The following ERC1 variants were observed in gnomAD, a reference collection of about 807,000 sequenced individuals.
The protein encoded by ERC1 is RAB6 interacting protein 2.
In ERC1, 56 loss-of-function variants were observed where a neutral mutation model predicts 132.0. That is an observed-to-expected ratio of 0.42 (90% confidence interval 0.34 to 0.53). The LOEUF (loss-of-function observed/expected upper bound fraction) is 0.53. Among genes scored for constraint, ERC1 ranks in the 20% least tolerant of loss-of-function variants. The pLI is 0.03. For synonymous variants in ERC1, 478 were observed against 476.1 expected, an observed-to-expected ratio of 1.00 and a Z score of -0.05; for missense variants, 1,202 against 1,349.9, an observed-to-expected ratio of 0.89 and a Z score of 1.72.
intron 7 of ERC1, among the ~76,000 whole-genome samples, chr12:1,139,283 C>T (rs1949646745): frequency 6.6e-6 from 1 of 152,172 alleles, no homozygotes; most frequent in Admixed American, 6.5e-5. Flanking sequence ...CGTACCCACA[C>T]TACCTGCCCC....
intron 14 of ERC1, among the ~76,000 whole-genome samples, chr12:1,283,035 C>A (rs947712057): frequency 6.6e-6 from 1 of 152,150 alleles, no homozygotes; most frequent in Non-Finnish European, 1.5e-5. Context: ...CTTGAAGAAG[C>A]GGGCTTTGCC....
Position 1,492,995 on chromosome 12 carries a change from G to T in ERC1, c.*2765G>T. The T allele has an allele frequency of 4.4e-6, 1 of 226,246 alleles. No homozygotes were observed. Among genetic ancestry groups the T allele is most frequent in the Non-Finnish European group, 8.8e-6 (1 of 113,666 alleles). The allele number at this position is 226,246 out of a possible 1,614,324, so 14.0% of individuals were successfully genotyped here. A position where few individuals can be genotyped will look rare whatever the true frequency, so the allele number is the denominator to read the frequency against. ...TTTCCCCAAACCCCTCCATCGGCAA[G>T]TCTAGTTGCCCTTTAGCACCTAAAG... On this transcript the variant is annotated 3_prime_UTR_variant, in exon 19 of 19. Transcript: ENST00000360905.
At chr12:1,316,525 A>C (rs1166012443) in intron 15 of ERC1, among the ~76,000 whole-genome samples, 3 of 152,224 alleles carry the variant, frequency 2.0e-5, no homozygotes, top group Non-Finnish European at 2.9e-5. Flanking sequence ...TATCTCTGTG[A>C]AATAAAGCAA....
In ERC1 at chr12:1,047,786, T is replaced by C. The variant is rs77936317; in HGVS notation, c.669+19214T>C. On this transcript the variant is annotated intron_variant, in intron 2 of 18. Coordinates refer to ENST00000360905, the MANE Select transcript of ERC1 (RefSeq NM_178040.4). ...TCCTCTGAAGGTTAGAAACCTGTTA[T>C]ATGTGTCTAAAACGGGTTTTAATGG... Among the ~76,000 whole-genome samples, 1,473 of 152,300 alleles carry C rather than the reference T, an allele frequency of 9.7e-3. 21 individuals are homozygous for C. Among genetic ancestry groups the C allele is most frequent in the African/African-American group, 0.033 (1,378 of 41,560 alleles).
At chr12:1,378,369 G>A in intron 16 of ERC1, among the ~76,000 whole-genome samples, 1 of 152,146 alleles carries the variant, frequency 6.6e-6, no homozygotes, top group East Asian at 1.9e-4. Context: ...TTTGAACGAA[G>A]CTAAAATCTT....
chr12:1,495,017 C>T lies in ERC1; in HGVS notation c.*4787C>T. ...AGGAACGAGAATCTGGGGCTCAGAG[C>T]CTCGCAGTTGTGCCAGGATTTTCCT... is the stretch of plus-strand genomic sequence containing the variant. On this transcript the variant is annotated 3_prime_UTR_variant, in exon 19 of 19. Coordinates refer to ENST00000360905, the MANE Select transcript of ERC1 (RefSeq NM_178040.4). 4.4e-6 allele frequency: 1 copy of T among 229,372 alleles called. No individual in the cohort carries two copies. Among genetic ancestry groups the T allele is most frequent in the Non-Finnish European group, 8.6e-6 (1 of 115,642 alleles). The allele number at this position is 229,372 out of a possible 1,614,324, so 14.2% of individuals were successfully genotyped here.
At chr12:1,044,068 A>G (rs567079849) in intron 2 of ERC1, among the ~76,000 whole-genome samples, 5 of 152,224 alleles carry the variant, frequency 3.3e-5, no homozygotes, top group Non-Finnish European at 5.9e-5. Context: ...GTTTGTTATA[A>G]AATGGGAGAG....
chr12:1,202,753 C>G (rs535036490), intron 12 of ERC1, among the ~76,000 whole-genome samples: 24 of 152,280 alleles, frequency 1.6e-4, no homozygotes, highest in African/African-American at 5.8e-4. Flanking sequence ...TAAAGTTGCT[C>G]TCTGGCAGGA....
intron 15 of ERC1, among the ~76,000 whole-genome samples, chr12:1,318,690 G>T (rs1303785361): frequency 6.6e-6 from 1 of 152,192 alleles, no homozygotes; most frequent in Admixed American, 6.5e-5. Context: ...CAACATTAAG[G>T]TGTCAGACAG....
At chr12:1,076,842 TA>T (rs2154185407) in intron 2 of ERC1, among the ~76,000 whole-genome samples, 1 of 152,270 alleles carries the variant, frequency 6.6e-6, no homozygotes, top group East Asian at 1.9e-4. Context: ...TATGACAGGG[TA>T]AAAAGATGAC....
intron 8 of ERC1, among the ~76,000 whole-genome samples, chr12:1,155,707 G>A (rs924562802): frequency 1.3e-5 from 2 of 151,968 alleles, no homozygotes; most frequent in African/African-American, 2.4e-5. Context: ...TCCTGACCTC[G>A]TGATCTGCCT....
chr12:1,001,327 G>A (rs1282534572), intron 1 of ERC1, among the ~76,000 whole-genome samples: 1 of 152,178 alleles, frequency 6.6e-6, no homozygotes, highest in Non-Finnish European at 1.5e-5. Context: ...CAAAATGCTG[G>A]GATTACAGGC....
chr12:1,357,293 G>A (rs1393855938), intron 15 of ERC1, among the ~76,000 whole-genome samples: 3 of 152,242 alleles, frequency 2.0e-5, no homozygotes, highest in Non-Finnish European at 2.9e-5. Flanking sequence ...ATGACAAACA[G>A]ACGTGGAATG....
chr12:1,191,693 C>T (rs1955749412), intron 12 of ERC1, among the ~76,000 whole-genome samples: 1 of 152,120 alleles, frequency 6.6e-6, no homozygotes, highest in Admixed American at 6.6e-5. Flanking sequence ...TTATTAGCCA[C>T]TGTATTTCTC....
At chr12:1,096,932 C>T (rs988158226) in intron 3 of ERC1, among the ~76,000 whole-genome samples, 1 of 152,162 alleles carries the variant, frequency 6.6e-6, no homozygotes, top group African/African-American at 2.4e-5. Context: ...GCTTATTATA[C>T]TTATCACATC....
chr12:1,134,670 A>C (rs1048741853), intron 7 of ERC1, among the ~76,000 whole-genome samples: 3 of 151,854 alleles, frequency 2.0e-5, no homozygotes, highest in Non-Finnish European at 4.4e-5. Flanking sequence ...GAGTGTAGCA[A>C]ATATTGATAG....
At chr12:1,428,736 G>A (rs1374122279) in intron 17 of ERC1, among the ~76,000 whole-genome samples, 2 of 152,176 alleles carry the variant, frequency 1.3e-5, no homozygotes, top group African/African-American at 2.4e-5. Flanking sequence ...TCAGCTCCGC[G>A]CTGATTTGTT....
At chr12:1,228,821 G>A (rs901185424) in intron 12 of ERC1, among the ~76,000 whole-genome samples, 2 of 152,100 alleles carry the variant, frequency 1.3e-5, no homozygotes, top group African/African-American at 2.4e-5. Flanking sequence ...GGTGTATGAC[G>A]TTTATTAATT....
Position 1,491,499 on chromosome 12 carries a change from T to TA in ERC1, c.*1270dup, listed in dbSNP as rs2094318322. On this transcript the variant is annotated 3_prime_UTR_variant, in exon 19 of 19. Transcript: ENST00000360905. ...GAGATGTAGTGGATTCTGTGAGACA[T>TA]ACCTGCTGGAGTTGAAGCAGTAAAT... is the stretch of plus-strand genomic sequence containing the variant. The TA allele has an allele frequency of 4.3e-6, 1 of 230,282 alleles. No individual in the cohort carries two copies. Among genetic ancestry groups the TA allele is most frequent in the African/African-American group, 2.2e-5 (1 of 45,280 alleles). The allele number at this position is 230,282 out of a possible 1,614,324, so 14.3% of individuals were successfully genotyped here.
Sources: gnomAD v4.1 joint callset for allele counts (sites outside exome capture counted in the v4.1 genomes callset) on GRCh38, gnomAD v4.1.1 for gene constraint, MANE v1.5 for transcripts, NCBI Gene and HGNC (gene_info 2026-07-23, HGNC 2026-07-21) for gene names.